Variants in AKT3 observed in about 807,000 individuals in gnomAD.
AKT3 encodes the protein AKT serine/threonine kinase 3.
A neutral mutation model predicts 65.3 loss-of-function variants in AKT3; 15 were observed. The observed-to-expected ratio is 0.23, with a 90% CI of 0.15 to 0.35. The LOEUF (loss-of-function observed/expected upper bound fraction) is 0.35, where lower values mean the gene tolerates loss of function less well. Among genes scored for constraint, AKT3 ranks in the 10% least tolerant of loss-of-function variants. AKT3 has a pLI of 1.00. For missense variants in AKT3, 243 were observed against 576.5 expected (o/e 0.42, Z 5.92); for synonymous variants, 206 against 183.8 (o/e 1.12, Z -0.98).
chr1:243,507,619 T>G (rs763978403), intron 13 of AKT3, among the ~76,000 whole-genome samples: 29 of 152,188 alleles, frequency 1.9e-4, no homozygotes, highest in Non-Finnish European at 5.9e-5. Context: ...TGAGAGGCTG[T>G]GCATAGGGAA....
chr1:243,836,792 T>A (rs1694920841), intron 2 of AKT3, among the ~76,000 whole-genome samples: 1 of 151,000 alleles, frequency 6.6e-6, no homozygotes, highest in Non-Finnish European at 1.5e-5. Context: ...TGACTGTAAA[T>A]CCCAGCTACT....
At chr1:243,671,770 T>TC (rs775424357) in intron 3 of AKT3, among the ~76,000 whole-genome samples, 1 of 152,176 alleles carries the variant, frequency 6.6e-6, no homozygotes, top group Non-Finnish European at 1.5e-5. Flanking sequence ...GTTATTATCT[T>TC]CCATTTTCTA....
intron 2 of AKT3, among the ~76,000 whole-genome samples, chr1:243,792,430 A>G (rs1394438433): frequency 6.6e-6 from 1 of 152,202 alleles, no homozygotes; most frequent in Non-Finnish European, 1.5e-5. Flanking sequence ...ATATTATGGA[A>G]TTATACATCT....
chr1:243,817,988 T>C (rs1374152477), intron 2 of AKT3: 1 of 152,216 alleles, frequency 6.6e-6, no homozygotes. Flanking sequence ...CAATCCCACT[T>C]AGGTAAGTAT....
chr1:243,820,730 G>A (rs1572405318), intron 2 of AKT3, among the ~76,000 whole-genome samples: 1 of 152,192 alleles, frequency 6.6e-6, no homozygotes, highest in Non-Finnish European at 1.5e-5. Flanking sequence ...CCCAAGATTA[G>A]AGAAAAAGGA....
At chr1:243,734,324 G>A (rs1055292011) in intron 2 of AKT3, among the ~76,000 whole-genome samples, 1 of 152,106 alleles carries the variant, frequency 6.6e-6, no homozygotes, top group Non-Finnish European at 1.5e-5. Context: ...AGAATACCAG[G>A]TCACATTACT....
chr1:243,712,132 T>C (rs564875742), intron 2 of AKT3, among the ~76,000 whole-genome samples: 1 of 152,220 alleles, frequency 6.6e-6, no homozygotes, highest in Non-Finnish European at 1.5e-5. Flanking sequence ...GGATTGACTA[T>C]GAAACTGTAA....
intron 2 of AKT3, among the ~76,000 whole-genome samples, chr1:243,803,964 G>A (rs999109500): frequency 2.0e-5 from 3 of 152,184 alleles, no homozygotes; most frequent in Non-Finnish European, 2.9e-5. Flanking sequence ...GTTGCCCTGA[G>A]GCTATAAGCA....
chr1:243,800,312 G>C (rs1692301909), intron 2 of AKT3, among the ~76,000 whole-genome samples: 1 of 152,196 alleles, frequency 6.6e-6, no homozygotes. Context: ...TGAGGCCTCA[G>C]TTAATATATA....
In AKT3 at chr1:243,790,176, A is replaced by C. The variant is rs1572352814; in HGVS notation, c.46+52949T>G. ...TTTGAAGCTTTGAAGGCAGGCATTG[A>C]CTTCTCTCTCTAGCTATGAAGTCCT... On this transcript the variant is annotated intron_variant, in intron 2 of 13. Coordinates refer to ENST00000673466, the MANE Select transcript of AKT3 (RefSeq NM_005465.7). Among the ~76,000 whole-genome samples the C allele has an allele frequency of 2.0e-5, 3 of 152,310 alleles. No individual in the cohort carries two copies. In the East Asian group the frequency reaches 5.8e-4, roughly 29 times the overall value.
At position 243,504,747 on chromosome 1, in the gene AKT3, T is replaced by C. The variant is rs779300358; in HGVS notation, c.*502A>G. On this transcript the variant is annotated 3_prime_UTR_variant, in exon 14 of 14. Transcript: ENST00000673466. The stretch of plus-strand genomic sequence containing the variant: ...ATGCCTACTTCACGCACGGATCTGA[T>C]GTGCTTTACATATGCACGCCACCAC... 4 of 190,180 alleles carry C rather than the reference T, an allele frequency of 2.1e-5. No individual in the cohort carries two copies. The highest frequency in any genetic ancestry group is 3.3e-5 in the Non-Finnish European group (3 of 90,864). The allele number at this position is 190,180 out of a possible 1,614,324, so 11.8% of individuals were successfully genotyped here.
At chr1:243,694,555 C>T (rs1281671225) in intron 3 of AKT3, among the ~76,000 whole-genome samples, 2 of 151,276 alleles carry the variant, frequency 1.3e-5, no homozygotes, top group Non-Finnish European at 3.0e-5. Flanking sequence ...GTATCCATAT[C>T]GTTCAAATGA....
chr1:243,609,487 G>A (rs2125226), intron 8 of AKT3, among the ~76,000 whole-genome samples: 608 of 152,012 alleles, frequency 4.0e-3, no homozygotes, highest in Middle Eastern at 6.8e-3. Context: ...GCCAAACCCC[G>A]TTTCTACTAA....
At chr1:243,774,183 A>G (rs962733909) in intron 2 of AKT3, among the ~76,000 whole-genome samples, 10 of 152,178 alleles carry the variant, frequency 6.6e-5, no homozygotes, top group Non-Finnish European at 1.0e-4. Flanking sequence ...ATTCATTAGT[A>G]AACCAGTATA....
chr1:243,703,235 T>C (rs1685578453), intron 2 of AKT3, among the ~76,000 whole-genome samples: 1 of 152,048 alleles, frequency 6.6e-6, no homozygotes, highest in Admixed American at 6.6e-5. Context: ...AAAAATACTG[T>C]ATAGTCCATA....
intron 2 of AKT3, among the ~76,000 whole-genome samples, chr1:243,748,900 T>A (rs560087984): frequency 6.6e-6 from 1 of 152,282 alleles, no homozygotes; most frequent in South Asian, 2.1e-4. Context: ...GGCAACTCCA[T>A]TGAAGTACTA....
At chr1:243,563,602 T>C in intron 10 of AKT3, 118 bp downstream of exon 10, 1 of 1,296,648 alleles carries the variant, frequency 7.7e-7, no homozygotes, top group Non-Finnish European at 1.0e-6. Context: ...AAATTTTGAT[T>C]CAGGTTGAAA....
At chr1:243,756,595 G>A (rs1377914345) in intron 2 of AKT3, among the ~76,000 whole-genome samples, 1 of 152,218 alleles carries the variant, frequency 6.6e-6, no homozygotes, top group Non-Finnish European at 1.5e-5. Flanking sequence ...TATGAATGGA[G>A]AGTTTCCTTA....
intron 8 of AKT3, among the ~76,000 whole-genome samples, chr1:243,583,557 G>GAAAAAAAAAAAAAAAAAAAA (rs977215298): frequency 2.6e-5 from 1 of 38,790 alleles, no homozygotes; most frequent in Non-Finnish European, 1.0e-4. Context: ...AAAAAAAAAA[G>GAAAAAAAAAAAAAAAAAAAA]AAAAAAAAAA....
Sources: allele counts gnomAD v4.1 joint callset (sites outside exome capture counted in the v4.1 genomes callset), GRCh38; gene constraint gnomAD v4.1.1; transcripts MANE v1.5; gene names NCBI Gene and HGNC (gene_info 2026-07-23, HGNC 2026-07-21).